Variants in TRPM3 observed in about 807,000 individuals in gnomAD.
The protein encoded by TRPM3 is long transient receptor potential channel 3.
TRPM3 carries 77 observed loss-of-function variants against 181.2 expected under a neutral mutation model. That is an observed-to-expected ratio of 0.42 (90% CI 0.35 to 0.51). The LOEUF is 0.51. TRPM3 is among the 20% of genes least tolerant of loss of function. The pLI, the probability that TRPM3 is intolerant of heterozygous loss-of-function variation, is 0.01. For missense variants in TRPM3, 1,759 were observed against 2,196.7 expected (o/e 0.80, Z 3.98); for synonymous variants, 745 against 796.4 (o/e 0.94, Z 1.09).
At chr9:71,012,593 C>G (rs933352570) in intron 1 of TRPM3, among the ~76,000 whole-genome samples, 1 of 151,830 alleles carries the variant, frequency 6.6e-6, no homozygotes, top group African/African-American at 2.4e-5. Flanking sequence ...AATTTGCTCA[C>G]CTCTATTTTT....
chr9:70,540,381 C>T (rs534625351), intron 25 of TRPM3, among the ~76,000 whole-genome samples: 10 of 152,246 alleles, frequency 6.6e-5, no homozygotes, highest in South Asian at 2.1e-4. Context: ...TTGACCTAAC[C>T]GTAGTCACTG....
chr9:70,643,570 G>T (rs2058386498), intron 9 of TRPM3, among the ~76,000 whole-genome samples: 1 of 152,208 alleles, frequency 6.6e-6, no homozygotes, highest in Non-Finnish European at 1.5e-5. Context: ...TGGATCAGTG[G>T]TTCTCGGCTA....
intron 1 of TRPM3, among the ~76,000 whole-genome samples, chr9:70,894,330 G>A (rs1048949894): frequency 1.3e-5 from 2 of 152,176 alleles, no homozygotes; most frequent in African/African-American, 4.8e-5. Context: ...ACCTGGCAGA[G>A]GTCTGCTCTA....
intron 1 of TRPM3, among the ~76,000 whole-genome samples, chr9:71,217,179 T>C (rs1282604620): frequency 6.6e-6 from 1 of 151,714 alleles, no homozygotes. Flanking sequence ...CTCGATCTCC[T>C]GACCTCGTGA....
At chr9:70,975,992 C>T (rs2097298286) in intron 1 of TRPM3, among the ~76,000 whole-genome samples, 1 of 152,280 alleles carries the variant, frequency 6.6e-6, no homozygotes, top group African/African-American at 2.4e-5. Flanking sequence ...TTCTATCCTT[C>T]CTCCCCCAGC....
At chr9:71,237,996 G>A (rs1024422894) in intron 1 of TRPM3, among the ~76,000 whole-genome samples, 70 of 152,268 alleles carry the variant, frequency 4.6e-4, no homozygotes, top group African/African-American at 1.5e-3. Context: ...CCTGAATTTT[G>A]GAGGGGACAC....
At chr9:70,830,905 C>A (rs573576133) in intron 5 of TRPM3, among the ~76,000 whole-genome samples, 1 of 152,114 alleles carries the variant, frequency 6.6e-6, no homozygotes, top group African/African-American at 2.4e-5. Context: ...AACTATAAGC[C>A]GATTTTTCAA....
At chr9:70,898,120 T>G (rs1191075008) in intron 1 of TRPM3, among the ~76,000 whole-genome samples, 1 of 131,776 alleles carries the variant, frequency 7.6e-6, no homozygotes, top group Admixed American at 7.5e-5. Flanking sequence ...CAATAAATTG[T>G]TTTTTTTTTT....
In TRPM3 at chr9:70,625,154, C is replaced by G; in HGVS notation, c.1809+37G>C. On this transcript the variant is annotated intron_variant, in intron 14 of 25. Coordinates refer to ENST00000677713, the MANE Select transcript of TRPM3 (RefSeq NM_001366145.2). This position sits in a 1 kb window ranked among gnomAD's most constrained non-coding sequence, Gnocchi z 4.8. Reference sequence around the variant, plus strand: ...AACCCAAATCCCATACACCCTAGTCCTCCCAGGAAGGGCCCCGAATTTGCA... The same window carrying G: ...AACCCAAATCCCATACACCCTAGTCGTCCCAGGAAGGGCCCCGAATTTGCA... 6.2e-7 allele frequency: 1 copy of G among 1,612,164 alleles called. No individual in the cohort carries two copies. The highest frequency in any genetic ancestry group is 1.1e-5 in the South Asian group (1 of 90,832).
intron 9 of TRPM3, among the ~76,000 whole-genome samples, chr9:70,644,415 G>A (rs1033762791): frequency 6.6e-5 from 10 of 152,110 alleles, no homozygotes; most frequent in Admixed American, 4.6e-4. Flanking sequence ...CTCCTGAAAT[G>A]AGGGCTGAAT....
intron 1 of TRPM3, among the ~76,000 whole-genome samples, chr9:70,986,120 G>A (rs1471159773): frequency 5.3e-5 from 8 of 152,164 alleles, no homozygotes; most frequent in Admixed American, 1.3e-4. Context: ...AGCATTTTGG[G>A]AGGCCAAGGC....
At chr9:70,945,153 G>T (rs990516219) in intron 1 of TRPM3, among the ~76,000 whole-genome samples, 64 of 152,160 alleles carry the variant, frequency 4.2e-4, no homozygotes, top group Admixed American at 4.2e-3. Flanking sequence ...CACTGAGATG[G>T]TAAGAAGGCA....
At chr9:71,171,570 C>T (rs2076859498) in intron 1 of TRPM3, among the ~76,000 whole-genome samples, 1 of 152,130 alleles carries the variant, frequency 6.6e-6, no homozygotes, top group African/African-American at 2.4e-5. Flanking sequence ...TTACTATGTA[C>T]TGAGTGTGGG....
chr9:70,699,026 C>T lies in TRPM3; in HGVS notation c.1273-17448G>A, dbSNP rs113016177. Among the ~76,000 whole-genome samples, 4 of 152,322 alleles carry T rather than the reference C, an allele frequency of 2.6e-5. 1 individual carries two copies. Among genetic ancestry groups the T allele is most frequent in the African/African-American group, 9.6e-5 (4 of 41,574 alleles). On this transcript the variant is annotated intron_variant, in intron 8 of 25. Transcript: ENST00000677713. ...AACGAACTAATACACACAGAAAACACACATCCTCAGCAAAATGATACAATT... is the reference window on the plus strand; with the variant it reads ...AACGAACTAATACACACAGAAAACATACATCCTCAGCAAAATGATACAATT...
chr9:70,888,151 T>C (rs919131693), intron 1 of TRPM3, among the ~76,000 whole-genome samples: 2 of 152,170 alleles, frequency 1.3e-5, no homozygotes, highest in Admixed American at 6.5e-5. Context: ...GCGTATTAAC[T>C]AGATTTGGCT....
At chr9:71,135,026 A>C (rs890037664) in intron 1 of TRPM3, among the ~76,000 whole-genome samples, 2 of 152,148 alleles carry the variant, frequency 1.3e-5, no homozygotes, top group Non-Finnish European at 2.9e-5. Flanking sequence ...CCTCATAGGA[A>C]CATACCTACC....
At chr9:70,775,537 G>A (rs939698080) in intron 7 of TRPM3, 2 of 152,178 alleles carry the variant, frequency 1.3e-5, no homozygotes, top group Admixed American at 1.3e-4. Context: ...TGACCTGTAG[G>A]TCAGGGGTCT....
At position 70,784,250 on chromosome 9, in the gene TRPM3, G is replaced by A; in HGVS notation, c.1003C>T (p.Leu335Phe). Reference sequence around the variant, plus strand: ...ACATTGGGTCCTCCTTCCACTATGAGTGCCACCACAGGAACACCTTGACCG... The same window carrying A: ...ACATTGGGTCCTCCTTCCACTATGAATGCCACCACAGGAACACCTTGACCG... ...RIGQGVPVVA[L>F]IVEGGPNVIS... The change falls in exon 7 of 26, where the codon CTC becomes TTC. Residue 335 changes from leucine (L) to phenylalanine (F), a missense_variant. Coordinates refer to ENST00000677713, the MANE Select transcript of TRPM3 (RefSeq NM_001366145.2). 1 of 1,611,990 alleles carries A rather than the reference G, an allele frequency of 6.2e-7. No homozygotes were observed.
chr9:70,787,606 A>G (rs2083984334), intron 6 of TRPM3, among the ~76,000 whole-genome samples: 1 of 152,154 alleles, frequency 6.6e-6, no homozygotes. Context: ...AGAAAATGAC[A>G]TCAGATAACT....
Sources: allele counts gnomAD v4.1 joint callset (sites outside exome capture counted in the v4.1 genomes callset), GRCh38; gene constraint gnomAD v4.1.1; non-coding constraint Gnocchi (gnomAD v3.1); transcripts MANE v1.5; gene names NCBI Gene and HGNC (gene_info 2026-07-23, HGNC 2026-07-21).